ETV1: variants seen among roughly 807,000 people sequenced by gnomAD.
ETV1 encodes the protein ETS translocation variant 1.
A neutral mutation model predicts 62.3 loss-of-function variants in ETV1; 27 were observed. The ratio of observed to expected loss-of-function variants is 0.43; its 90% CI spans 0.32 to 0.60. ETV1 has a LOEUF of 0.60. ETV1 is among the 20% of genes least tolerant of loss of function. ETV1 has a pLI of 0.06. For missense variants in ETV1, 605 were observed against 605.8 expected (o/e 1.00, Z 0.01); for synonymous variants, 222 against 199.6 (o/e 1.11, Z -0.94).
intron 6 of ETV1, among the ~76,000 whole-genome samples, chr7:13,941,619 C>G (rs1254438900): frequency 6.6e-6 from 1 of 152,036 alleles, no homozygotes; most frequent in African/African-American, 2.4e-5. Flanking sequence ...ACCTGTAATC[C>G]CAGCTCTTTG....
intron 5 of ETV1, among the ~76,000 whole-genome samples, chr7:13,978,657 G>C (rs949564356): frequency 1.3e-5 from 2 of 151,664 alleles, no homozygotes; most frequent in African/African-American, 4.8e-5. Context: ...AAATGCTTCA[G>C]GTTGGTAACT....
intron 12 of ETV1, among the ~76,000 whole-genome samples, chr7:13,905,722 A>C (rs1378579257): frequency 6.6e-6 from 1 of 152,172 alleles, no homozygotes; most frequent in African/African-American, 2.4e-5. Flanking sequence ...ATCTCTGTCC[A>C]GGCTCTTCTT....
chr7:13,973,560 G>A (rs76423415), intron 6 of ETV1, among the ~76,000 whole-genome samples: 2 of 151,780 alleles, frequency 1.3e-5, no homozygotes, highest in African/African-American at 2.4e-5. Flanking sequence ...TCCTTTCTTC[G>A]GTGAAGAATA....
At chr7:13,926,374 A>G (rs1785428377) in intron 9 of ETV1, among the ~76,000 whole-genome samples, 4 of 151,672 alleles carry the variant, frequency 2.6e-5, no homozygotes, top group Admixed American at 2.6e-4. Flanking sequence ...CAAAATATCA[A>G]CCAACCACCT....
intron 12 of ETV1, among the ~76,000 whole-genome samples, chr7:13,905,943 A>G (rs950016822): frequency 2.0e-5 from 3 of 151,954 alleles, no homozygotes; most frequent in Non-Finnish European, 2.9e-5. Context: ...TTTTTCCCCA[A>G]TCTTCTTTTG....
chr7:13,987,932 G>A (rs7789916), intron 4 of ETV1, among the ~76,000 whole-genome samples, 154 bp downstream of exon 4: 119,347 of 152,130 alleles, frequency 0.78, 47,569 homozygotes, highest in African/African-American at 0.94. Context: ...GCAAACTGCC[G>A]CATTATGTAA....
At position 13,895,526 on chromosome 7, in the gene ETV1, T is replaced by C. The variant is rs1781683590; in HGVS notation, c.*340A>G. On this transcript the variant is annotated 3_prime_UTR_variant, in exon 14 of 14. Transcript: ENST00000430479. ...ATAAAATAAACATTATCTTATGTTGTTATGAAATCAAACAGACATGATATA... is the reference window on the plus strand; with the variant it reads ...ATAAAATAAACATTATCTTATGTTGCTATGAAATCAAACAGACATGATATA... The C allele has an allele frequency of 3.3e-6, 1 of 298,976 alleles. No homozygotes were observed. Among genetic ancestry groups the C allele is most frequent in the Non-Finnish European group, 6.3e-6 (1 of 158,320 alleles). 18.5% of individuals were successfully genotyped at this position (298,976 alleles called of 1,614,324 possible). A position where few individuals can be genotyped will look rare whatever the true frequency, so the allele number is the denominator to read the frequency against.
At chr7:13,968,983 T>C (rs1235847191) in intron 6 of ETV1, among the ~76,000 whole-genome samples, 1 of 152,204 alleles carries the variant, frequency 6.6e-6, no homozygotes, top group East Asian at 1.9e-4. Context: ...ATGTATTCCT[T>C]GTAAAACAAT....
chr7:13,918,851 G>A (rs1784499046), intron 9 of ETV1, among the ~76,000 whole-genome samples: 1 of 135,702 alleles, frequency 7.4e-6, no homozygotes, highest in Non-Finnish European at 1.5e-5. Context: ...ATGTGCACAT[G>A]TACCCTAAAA....
chr7:13,897,916 A>C (rs746297766), intron 13 of ETV1, among the ~76,000 whole-genome samples: 10 of 152,162 alleles, frequency 6.6e-5, no homozygotes, highest in Non-Finnish European at 1.2e-4. Flanking sequence ...CATTTGCTTT[A>C]AGTACTGGAC....
chr7:13,897,951 T>C (rs1328780448), intron 13 of ETV1, among the ~76,000 whole-genome samples: 1 of 152,226 alleles, frequency 6.6e-6, no homozygotes, highest in East Asian at 1.9e-4. Flanking sequence ...TGCTACTGGC[T>C]ATACTTAAAA....
intron 11 of ETV1, among the ~76,000 whole-genome samples, chr7:13,909,408 C>T (rs1783328641): frequency 6.6e-6 from 1 of 152,148 alleles, no homozygotes; most frequent in Admixed American, 6.6e-5. Context: ...TGCTCTTTGT[C>T]TATTTCTCCA....
intron 6 of ETV1, among the ~76,000 whole-genome samples, chr7:13,962,740 T>C (rs1017063992): frequency 1.3e-5 from 2 of 152,118 alleles, no homozygotes; most frequent in African/African-American, 2.4e-5. Flanking sequence ...AACAGGGAAC[T>C]TCAGGGATTG....
chr7:13,898,641 T>G (rs2128403161), intron 13 of ETV1, among the ~76,000 whole-genome samples: 1 of 152,344 alleles, frequency 6.6e-6, no homozygotes, highest in South Asian at 2.1e-4. Context: ...TCTAATCTTC[T>G]AATTTTCTAT....
intron 6 of ETV1, among the ~76,000 whole-genome samples, chr7:13,941,650 C>T (rs1238204897): frequency 6.6e-6 from 1 of 152,092 alleles, no homozygotes; most frequent in Non-Finnish European, 1.5e-5. Flanking sequence ...GTGGGGAGAT[C>T]ACTTGAGTCC....
At chr7:13,944,817 G>T (rs1787960309) in intron 6 of ETV1, among the ~76,000 whole-genome samples, 1 of 152,098 alleles carries the variant, frequency 6.6e-6, no homozygotes. Context: ...AGATCATTAA[G>T]GTGAGCACTA....
chr7:13,991,393 G>GT, upstream of ETV1: 1 of 152,398 alleles, frequency 6.6e-6, no homozygotes, highest in African/African-American at 2.4e-5. Context: ...TTCGGGTTAG[G>GT]TCCCGGCGAG....
chr7:13,912,790 G>T (rs1783693034), intron 9 of ETV1, among the ~76,000 whole-genome samples: 1 of 152,054 alleles, frequency 6.6e-6, no homozygotes, highest in African/African-American at 2.4e-5. Context: ...TATGGCTAAG[G>T]GGAGATTATC....
chr7:13,919,474 G>GT (rs2128432942), intron 9 of ETV1, among the ~76,000 whole-genome samples: 2 of 143,188 alleles, frequency 1.4e-5, no homozygotes, highest in African/African-American at 5.3e-5. Context: ...TTGTTCTTTT[G>GT]GTTTTTTTTT....
Sources: gnomAD v4.1 joint callset for allele counts (sites outside exome capture counted in the v4.1 genomes callset) on GRCh38, gnomAD v4.1.1 for gene constraint, MANE v1.5 for transcripts, NCBI Gene and HGNC (gene_info 2026-07-23, HGNC 2026-07-21) for gene names.